PITRM1: variants seen among roughly 807,000 people sequenced by gnomAD.
The protein encoded by PITRM1 is pitrilysin metallopeptidase 1, also known as presequence protease, mitochondrial.
In PITRM1, 100 loss-of-function variants were observed where a neutral mutation model predicts 129.9. The ratio of observed to expected loss-of-function variants is 0.77; its 90% CI spans 0.65 to 0.91. PITRM1 has a LOEUF of 0.91. Among genes scored for constraint, PITRM1 ranks in the 40% least tolerant of loss-of-function variants. PITRM1 has a pLI of 0.00. For missense variants in PITRM1, 1,471 were observed against 1,318.3 expected, an observed-to-expected ratio of 1.12 and a Z score of -1.79; for synonymous variants, 591 against 508.8, an observed-to-expected ratio of 1.16 and a Z score of -2.17.
chr10:3,164,748 T>C (rs1272424047), intron 6 of PITRM1, among the ~76,000 whole-genome samples: 1 of 152,238 alleles, frequency 6.6e-6, no homozygotes, highest in East Asian at 1.9e-4. Context: ...TACATGTTGA[T>C]ATAAATATTT....
chr10:3,155,578 G>A lies in PITRM1; in HGVS notation c.1621+13C>T, dbSNP rs1442070540. The A allele has an allele frequency of 8.7e-6, 14 of 1,613,638 alleles. No homozygotes were observed. Among genetic ancestry groups the A allele is most frequent in the Non-Finnish European group, 1.2e-5 (14 of 1,179,790 alleles). On this transcript the variant is annotated intron_variant, in intron 14 of 26. Transcript: ENST00000224949. The stretch of plus-strand genomic sequence containing the variant: ...AGGTTAGGGACTCGCCAGCTCGGAA[G>A]GAAGCCTCTGACCTTTCTCGTAGAT...
intron 6 of PITRM1, among the ~76,000 whole-genome samples, chr10:3,164,924 A>T (rs1842736449): frequency 6.6e-6 from 1 of 152,150 alleles, no homozygotes; most frequent in African/African-American, 2.4e-5. Flanking sequence ...AGCCTCTAGA[A>T]AGTACACCGT....
chr10:3,146,407 G>C (rs1162120999), intron 20 of PITRM1: 5 of 152,382 alleles, frequency 3.3e-5, no homozygotes, highest in East Asian at 3.8e-4. Flanking sequence ...AGGTTTTATG[G>C]AGGAGGAAGC....
intron 1 of PITRM1, among the ~76,000 whole-genome samples, chr10:3,170,877 C>T (rs571652980): frequency 2.0e-5 from 3 of 152,040 alleles, no homozygotes; most frequent in South Asian, 2.1e-4. Context: ...GCAGGAGAAT[C>T]GCTTGAACCC....
intron 15 of PITRM1, 163 bp downstream of exon 15, chr10:3,151,084 A>T (rs931419060): frequency 1.6e-6 from 1 of 611,804 alleles, no homozygotes; most frequent in Non-Finnish European, 3.0e-6. Context: ...GAGAGTTAAG[A>T]ACAAGGCAGA....
intron 2 of PITRM1, 82 bp from the exon 3 acceptor site, chr10:3,167,124 C>A: frequency 1.3e-6 from 1 of 757,296 alleles, no homozygotes; most frequent in Non-Finnish European, 2.2e-6. Flanking sequence ...ACTGAGAAAA[C>A]TGGCTTTTCT....
chr10:3,143,566 G>A (rs1840497662), intron 22 of PITRM1, 65 bp from the exon 23 acceptor site: 4 of 1,121,480 alleles, frequency 3.6e-6, no homozygotes, highest in Non-Finnish European at 2.7e-6. Context: ...ACTGGGACTG[G>A]ACCCACTCAG....
rs918793882 is a variant in PITRM1 at position 3,172,657 on chromosome 10, C to A, written c.56+60G>T. The A allele has an allele frequency of 8.8e-6, 13 of 1,480,092 alleles. No homozygotes were observed. In the Admixed American group the frequency reaches 2.7e-4, roughly 30 times the overall value. 91.7% of individuals were successfully genotyped at this position (1,480,092 alleles called of 1,614,324 possible). A position where few individuals can be genotyped will look rare whatever the true frequency, so the allele number is the denominator to read the frequency against. ...CGAGGACCCCTACGCCTCCGGCCTGCCCTGGACCCTCCCCTCCCGGGTACC... is the reference window on the plus strand; with the variant it reads ...CGAGGACCCCTACGCCTCCGGCCTGACCTGGACCCTCCCCTCCCGGGTACC... On this transcript the variant is annotated intron_variant, in intron 1 of 26. Transcript: ENST00000224949.
rs1397804804 is a variant in PITRM1, at chr10:3,170,088, C to A, written c.159+16G>T. On this transcript the variant is annotated intron_variant, in intron 2 of 26. Coordinates refer to ENST00000224949, the MANE Select transcript of PITRM1 (RefSeq NM_014889.4). ...TGTATGTGGATTTATAAGGAGGTGC[C>A]GAGGACGACCCATACCTGGTTTACG... 6.3e-7 allele frequency: 1 copy of A among 1,581,116 alleles called. No homozygotes were observed. The highest frequency in any genetic ancestry group is 1.3e-5 in the African/African-American group (1 of 74,272).
chr10:3,139,745 T>A (rs1157069823), intron 24 of PITRM1, among the ~76,000 whole-genome samples: 1 of 152,208 alleles, frequency 6.6e-6, no homozygotes, highest in Non-Finnish European at 1.5e-5. Flanking sequence ...CACTGCAGTT[T>A]CAACCTCCCC....
chr10:3,147,766 T>C, intron 18 of PITRM1, 29 bp from the exon 19 acceptor site: 1 of 1,548,630 alleles, frequency 6.5e-7, no homozygotes, highest in South Asian at 1.3e-5. Context: ...AAAAAATTCC[T>C]GGAGACCCAT....
intron 3 of PITRM1, 93 bp from the exon 4 acceptor site, chr10:3,166,473 C>A: frequency 1.6e-6 from 1 of 629,734 alleles, no homozygotes; most frequent in South Asian, 2.9e-5. Flanking sequence ...TACTAGAAAT[C>A]ATCATTCTGA....
rs1311428601 is a variant in PITRM1 at position 3,172,749 on chromosome 10, C to T, written c.24G>A (p.Gln8=). Residue 8 remains glutamine (Q), a synonymous_variant, in exon 1 of 27, where the codon CAG becomes CAA. Transcript: ENST00000224949. MWRCGGR[Q]GLCVLRRLSG... is the part of the protein sequence containing the mutation. ...TCAGCCGCCTCAGCACACACAGGCCCTGCCGCCCGCCGCAGCGCCACATTG... is the reference window on the plus strand; with the variant it reads ...TCAGCCGCCTCAGCACACACAGGCCTTGCCGCCCGCCGCAGCGCCACATTG... 4 of 1,546,026 alleles carry T rather than the reference C, an allele frequency of 2.6e-6. No homozygotes were observed. The highest frequency in any genetic ancestry group is 3.5e-6 in the Non-Finnish European group (4 of 1,145,478).
intron 22 of PITRM1, 193 bp from the exon 23 acceptor site, chr10:3,143,694 T>A: frequency 1.4e-6 from 1 of 709,388 alleles, no homozygotes; most frequent in Non-Finnish European, 2.6e-6. Flanking sequence ...AGCAAGGCAC[T>A]GCAGTTCCGT....
In PITRM1 at chr10:3,165,342, C is replaced by CA; in HGVS notation, c.534-9dup. On this transcript the variant is annotated splice_polypyrimidine_tract_variant and intron_variant, in intron 5 of 26. Coordinates refer to ENST00000224949, the MANE Select transcript of PITRM1 (RefSeq NM_014889.4). Reference sequence around the variant, plus strand: ...AGCCGCCATCCTTCCTGCCTGAGGACAAATCATTATAAGCTGATAGTGACT... The same window carrying CA: ...AGCCGCCATCCTTCCTGCCTGAGGACAAAATCATTATAAGCTGATAGTGACT... 1 of 1,595,050 alleles carries CA rather than the reference C, an allele frequency of 6.3e-7. No homozygotes were observed. The highest frequency in any genetic ancestry group is 8.5e-7 in the Non-Finnish European group (1 of 1,170,830).
chr10:3,160,454 A>G, intron 7 of PITRM1, 124 bp from the exon 8 acceptor site: 1 of 756,576 alleles, frequency 1.3e-6, no homozygotes, highest in Non-Finnish European at 2.2e-6. Flanking sequence ...TTTCGGTTTC[A>G]GTCACCCTTA....
rs530475544 is a variant in PITRM1 at position 3,137,984 on chromosome 10, G to C, written c.*47C>G. ...ATTTCTGACTTTTCATATTCAGCTC[G>C]GAGGTGTATTGTCTCGGGCTCCTGT... On this transcript the variant is annotated 3_prime_UTR_variant, in exon 27 of 27. Transcript: ENST00000224949. The C allele has an allele frequency of 5.7e-6, 6 of 1,061,062 alleles. No individual in the cohort carries two copies. The highest frequency in any genetic ancestry group is 8.6e-6 in the Non-Finnish European group (6 of 699,174). The allele number at this position is 1,061,062 out of a possible 1,614,324, so 65.7% of individuals were successfully genotyped here. A position where few individuals can be genotyped will look rare whatever the true frequency, so the allele number is the denominator to read the frequency against.
At chr10:3,155,899 A>C (rs1471725366) in intron 13 of PITRM1, among the ~76,000 whole-genome samples, 170 bp from the exon 14 acceptor site, 2 of 152,204 alleles carry the variant, frequency 1.3e-5, no homozygotes, top group Non-Finnish European at 2.9e-5. Flanking sequence ...ATGCAAGTAC[A>C]CAAGCCTTAT....
rs1840972254 is a variant in PITRM1 at position 3,147,211 on chromosome 10, T to C, written c.2275A>G (p.Lys759Glu). Residue 759 changes from lysine to glutamate, a missense_variant, in exon 20 of 27, where the codon AAA (lysine) becomes GAA (glutamate). Transcript: ENST00000224949. ...MKRIAEMTDIKPILRKLPRIK... is the reference protein window; with the variant it reads ...MKRIAEMTDIEPILRKLPRIK... ...CGCGGGAGCTTCCTCAGGATGGGTT[T>C]GATATCTGTCATTTCTGCAATCCTC... 1 of 1,613,060 alleles carries C rather than the reference T, an allele frequency of 6.2e-7. No individual in the cohort carries two copies. Among genetic ancestry groups the C allele is most frequent in the Non-Finnish European group, 8.5e-7 (1 of 1,179,032 alleles).
Sources: allele counts gnomAD v4.1 joint callset (sites outside exome capture counted in the v4.1 genomes callset), GRCh38; gene constraint gnomAD v4.1.1; transcripts MANE v1.5; gene names NCBI Gene and HGNC (gene_info 2026-07-23, HGNC 2026-07-21).